Variants in DENND2C observed in about 807,000 individuals in gnomAD.
The protein encoded by DENND2C is DENN domain containing 2C, also known as DENN domain-containing protein 2C.
DENND2C carries 72 observed loss-of-function variants against 112.4 expected under a neutral mutation model. That is an observed-to-expected ratio of 0.64 (90% CI 0.53 to 0.78). The LOEUF (loss-of-function observed/expected upper bound fraction) is 0.78, where lower values mean the gene tolerates loss of function less well. DENND2C is among the 30% of genes least tolerant of loss of function. DENND2C has a pLI of 0.00. For synonymous variants in DENND2C, 329 were observed against 381.6 expected (o/e 0.86, Z 1.61); for missense variants, 992 against 1,113.8 (o/e 0.89, Z 1.56).
chr1:114,593,509 G>C (rs1196942688), intron 18 of DENND2C, among the ~76,000 whole-genome samples: 1 of 152,140 alleles, frequency 6.6e-6, no homozygotes, highest in East Asian at 1.9e-4. Flanking sequence ...TCTAGGCCAG[G>C]TGTGGTGGCT....
chr1:114,601,023 C>T (rs1655490470), intron 13 of DENND2C, 63 bp from the exon 14 acceptor site: 2 of 1,519,266 alleles, frequency 1.3e-6, no homozygotes, highest in Non-Finnish European at 1.8e-6. Flanking sequence ...AATGCCATTA[C>T]AGGAACTGCC....
chr1:114,585,579 G>GA lies in DENND2C; in HGVS notation c.*20_*21insT. ...TTTGGCACTTTCTGTTGTATATTCA[G>GA]GATGGAGACAATCAGAGATTTCATT... On this transcript the variant is annotated 3_prime_UTR_variant, in exon 21 of 21. Transcript: ENST00000393274. 1 of 1,613,104 alleles carries GA rather than the reference G, an allele frequency of 6.2e-7. No homozygotes were observed. The highest frequency in any genetic ancestry group is 8.5e-7 in the Non-Finnish European group (1 of 1,179,232).
rs201990002 is a variant in DENND2C at position 114,623,103 on chromosome 1, A to G, written c.944-4T>C. 619 of 1,596,074 alleles carry G rather than the reference A, an allele frequency of 3.9e-4. 5 individuals are homozygous for G. In the East Asian group the frequency reaches 0.014, roughly 35 times the overall value. ...TATGGATTTTCTTTGGTGGGATCTTAAAAAATAATTTAAAAAAATGTTTAC... is the reference window on the plus strand; with the variant it reads ...TATGGATTTTCTTTGGTGGGATCTTGAAAAATAATTTAAAAAAATGTTTAC... On this transcript the variant is annotated splice_region_variant and splice_polypyrimidine_tract_variant and intron_variant, in intron 5 of 20. Transcript: ENST00000393274.
At chr1:114,591,623 ACAGT>A (rs1205024891) in intron 18 of DENND2C, among the ~76,000 whole-genome samples, 1 of 152,150 alleles carries the variant, frequency 6.6e-6, no homozygotes, top group African/African-American at 2.4e-5. Context: ...AAGATTTAAC[ACAGT>A]CAAATTAACC....
At chr1:114,585,761 G>A in intron 20 of DENND2C, 130 bp from the exon 21 acceptor site, 1 of 905,430 alleles carries the variant, frequency 1.1e-6, no homozygotes, top group Middle Eastern at 2.2e-4. Flanking sequence ...AAACTCAGTT[G>A]ATGTGTTTAA....
At chr1:114,617,990 A>ATT (rs11284335) in intron 8 of DENND2C, among the ~76,000 whole-genome samples, 3 of 144,430 alleles carry the variant, frequency 2.1e-5, no homozygotes, top group East Asian at 2.0e-4. Flanking sequence ...AGTAAACCAA[A>ATT]TTTTTTTTTT....
chr1:114,638,373 G>A lies in DENND2C; in HGVS notation c.-205+7075C>T, dbSNP rs142554549. On this transcript the variant is annotated intron_variant, in intron 3 of 20. Coordinates refer to ENST00000393274, the MANE Select transcript of DENND2C (RefSeq NM_001256404.2). ...CCTTGAGGAAGAAAAAGATGTCTTA[G>A]GACACAAAACACATTAACCATAAAG... 2.1e-3 allele frequency among the ~76,000 whole-genome samples: 320 copies of A among 152,218 alleles called. 2 individuals carry two copies. Among genetic ancestry groups the A allele is most frequent in the African/African-American group, 7.1e-3 (296 of 41,546 alleles).
intron 8 of DENND2C, among the ~76,000 whole-genome samples, chr1:114,616,801 G>C (rs1318946829): frequency 6.6e-6 from 1 of 152,128 alleles, no homozygotes. Flanking sequence ...GTTGCACTGA[G>C]CCGAGATCAT....
intron 2 of DENND2C, among the ~76,000 whole-genome samples, chr1:114,648,495 A>C (rs543225475): frequency 6.6e-6 from 1 of 152,302 alleles, no homozygotes; most frequent in East Asian, 1.9e-4. Flanking sequence ...ACTACCCTTA[A>C]GGCTGTATAA....
At chr1:114,666,171 C>A (rs1657642964) in intron 1 of DENND2C, among the ~76,000 whole-genome samples, 1 of 152,168 alleles carries the variant, frequency 6.6e-6, no homozygotes, top group South Asian at 2.1e-4. Context: ...CCTTCACTAT[C>A]TATCCTCTCC....
At chr1:114,619,958 T>A (rs1656118359) in intron 7 of DENND2C, among the ~76,000 whole-genome samples, 1 of 152,162 alleles carries the variant, frequency 6.6e-6, no homozygotes. Flanking sequence ...CATACTGCTG[T>A]ACACACAACA....
At position 114,601,575 on chromosome 1, in the gene DENND2C, T is replaced by G; in HGVS notation, c.1748A>C (p.Lys583Thr). 2 of 1,612,832 alleles carry G rather than the reference T, an allele frequency of 1.2e-6. No individual in the cohort carries two copies. The highest frequency in any genetic ancestry group is 1.7e-6 in the Non-Finnish European group (2 of 1,179,504). The change falls in exon 13 of 21, where the codon AAA becomes ACA. Residue 583 changes from lysine (K) to threonine (T), a missense_variant. Around this residue, in one of 3 missense-constraint regions of DENND2C, gnomAD observed 516 missense variants for 623.6 expected, o/e 0.83. Transcript: ENST00000393274. ...GYCKKLLPVG[K>T]GKRLPEVYCM... ...GTATACCTCAGGGAGTCGCTTTCCT[T>G]TGCCTACTGGCTAAAAGATAAAAAC...
intron 1 of DENND2C, among the ~76,000 whole-genome samples, chr1:114,655,899 T>TATATATATATATATATAA (rs947062949): frequency 1.4e-5 from 2 of 147,700 alleles, no homozygotes; most frequent in South Asian, 2.1e-4. Flanking sequence ...TATATATATA[T>TATATATATATATATATAA]AATATGTATG....
At chr1:114,635,705 C>T (rs758781482) in intron 3 of DENND2C, among the ~76,000 whole-genome samples, 1 of 152,044 alleles carries the variant, frequency 6.6e-6, no homozygotes, top group Admixed American at 6.6e-5. Flanking sequence ...GCAAAAGTCC[C>T]TCTAAAATAT....
At chr1:114,603,387 C>T (rs1194197078) in intron 11 of DENND2C, among the ~76,000 whole-genome samples, 1 of 151,988 alleles carries the variant, frequency 6.6e-6, no homozygotes, top group African/African-American at 2.4e-5. Flanking sequence ...GATCCACCCG[C>T]CTTGGCCTGG....
intron 3 of DENND2C, among the ~76,000 whole-genome samples, chr1:114,635,792 A>C (rs1025454050): frequency 1.2e-4 from 19 of 152,126 alleles, no homozygotes; most frequent in African/African-American, 3.6e-4. Flanking sequence ...AGATCACTTG[A>C]GGTTAGGAGT....
intron 3 of DENND2C, among the ~76,000 whole-genome samples, chr1:114,645,119 T>A (rs1656942457): frequency 6.6e-6 from 1 of 152,190 alleles, no homozygotes; most frequent in East Asian, 1.9e-4. Context: ...TTTTTTTTGA[T>A]ACAGTGATTC....
intron 4 of DENND2C, among the ~76,000 whole-genome samples, chr1:114,624,188 T>A (rs1055740420): frequency 1.3e-5 from 2 of 152,238 alleles, no homozygotes; most frequent in African/African-American, 4.8e-5. Context: ...ATGTTCTTCA[T>A]TGGGTTCCTT....
At chr1:114,623,424 A>G (rs919201184) in intron 5 of DENND2C, 83 bp downstream of exon 5, 3 of 1,357,286 alleles carry the variant, frequency 2.2e-6, no homozygotes, top group African/African-American at 2.9e-5. Flanking sequence ...ATGCTTGATT[A>G]TAGAAGAAAA....
Sources: gnomAD v4.1 joint callset for allele counts (sites outside exome capture counted in the v4.1 genomes callset) on GRCh38, gnomAD v4.1.1 for gene constraint, gnomAD v4.1.1 regional missense constraint, MANE v1.5 for transcripts, NCBI Gene and HGNC (gene_info 2026-07-23, HGNC 2026-07-21) for gene names.